Variants in KCND2 observed in about 807,000 individuals in gnomAD.
KCND2 encodes the protein potassium voltage-gated channel subfamily D member 2.
In KCND2, 16 loss-of-function variants were observed where a neutral mutation model predicts 54.4. The observed-to-expected ratio is 0.29, with a 90% confidence interval of 0.20 to 0.45. The LOEUF (loss-of-function observed/expected upper bound fraction) is 0.45, where lower values mean the gene tolerates loss of function less well. Ranked by LOEUF, KCND2 falls within the 20% of genes least tolerant of loss-of-function variation. The pLI is 1.00. For missense variants in KCND2, 486 were observed against 824.2 expected (o/e 0.59, Z 5.02); for synonymous variants, 317 against 310.7 (o/e 1.02, Z -0.21).
chr7:120,340,700 T>C (rs1800227447), intron 1 of KCND2, among the ~76,000 whole-genome samples: 1 of 152,168 alleles, frequency 6.6e-6, no homozygotes, highest in Admixed American at 6.5e-5. Context: ...TTGGTGATCT[T>C]GACAAGGATG....
chr7:120,359,636 TA>T (rs1563021417), intron 1 of KCND2, among the ~76,000 whole-genome samples: 1 of 152,130 alleles, frequency 6.6e-6, no homozygotes, highest in African/African-American at 2.4e-5. Context: ...CTTTTGATAA[TA>T]AAAAATACTT....
intron 1 of KCND2, among the ~76,000 whole-genome samples, chr7:120,446,075 C>T (rs1802014211): frequency 6.6e-6 from 1 of 152,130 alleles, no homozygotes; most frequent in Non-Finnish European, 1.5e-5. Context: ...TCATATATCA[C>T]TCCATCTAGC....
chr7:120,674,164 C>T (rs532823402), intron 1 of KCND2, among the ~76,000 whole-genome samples: 15 of 152,124 alleles, frequency 9.9e-5, no homozygotes, highest in African/African-American at 3.6e-4. Context: ...TCAGCCTCCC[C>T]AAGTGCAGGG....
At chr7:120,515,231 C>G (rs367881743) in intron 1 of KCND2, among the ~76,000 whole-genome samples, 31 of 152,168 alleles carry the variant, frequency 2.0e-4, no homozygotes, top group Admixed American at 6.6e-4. Context: ...CTCACCTTCA[C>G]TGTCACCTCA....
At chr7:120,701,240 T>TAAAAAAA (rs34803439) in intron 1 of KCND2, among the ~76,000 whole-genome samples, 16 of 55,142 alleles carry the variant, frequency 2.9e-4, no homozygotes, top group Admixed American at 5.0e-4. Flanking sequence ...AATGCCTAGC[T>TAAAAAAA]AAAAAAAAAA....
At chr7:120,345,033 T>A (rs1449325241) in intron 1 of KCND2, among the ~76,000 whole-genome samples, 2 of 152,108 alleles carry the variant, frequency 1.3e-5, no homozygotes, top group Non-Finnish European at 2.9e-5. Flanking sequence ...GAAGCCCTCA[T>A]AGGGGAAGAG....
intron 1 of KCND2, among the ~76,000 whole-genome samples, chr7:120,334,446 C>A (rs1256477880): frequency 6.6e-6 from 1 of 152,030 alleles, no homozygotes; most frequent in East Asian, 1.9e-4. Flanking sequence ...GGGATAGATC[C>A]TCTATGTTTC....
intron 1 of KCND2, among the ~76,000 whole-genome samples, chr7:120,305,183 T>A (rs968321385): frequency 3.3e-5 from 5 of 152,146 alleles, no homozygotes; most frequent in African/African-American, 9.7e-5. Context: ...CTTTGCAAAG[T>A]AGCAAGAAAA....
At chr7:120,600,584 G>A (rs936534479) in intron 1 of KCND2, among the ~76,000 whole-genome samples, 2 of 151,978 alleles carry the variant, frequency 1.3e-5, no homozygotes, top group Middle Eastern at 3.2e-3. Flanking sequence ...CCAACAGACT[G>A]TGAAAGTAAG....
chr7:120,531,785 A>G (rs576794433), intron 1 of KCND2, among the ~76,000 whole-genome samples: 16 of 152,256 alleles, frequency 1.1e-4, no homozygotes, highest in African/African-American at 3.1e-4. Context: ...CTTGTCTTCT[A>G]TGCCACCATG....
chr7:120,349,311 CACACACACACACACAA>C lies in KCND2; in HGVS notation c.1115+73580_1115+73595del, dbSNP rs1419329054. On this transcript the variant is annotated intron_variant, in intron 1 of 5. Transcript: ENST00000331113. ...CTAAGCTGCTATACACACACACAAA[CACACACACACACACAA>C]ACACACACACACACACACACACAGA... Among the ~76,000 whole-genome samples the C allele has an allele frequency of 9.4e-3, 766 of 81,334 alleles. 4 individuals are homozygous for C. Among genetic ancestry groups the C allele is most frequent in the African/African-American group, 0.026 (688 of 26,296 alleles). The allele number at this position is 81,334 out of a possible 152,430, so 53.4% of individuals were successfully genotyped here.
rs1282949811 is a variant in KCND2 at position 120,321,553 on chromosome 7, TA to T, written c.1115+45807del. 4.6e-5 allele frequency among the ~76,000 whole-genome samples: 7 copies of T among 152,268 alleles called. No individual in the cohort carries two copies. In the South Asian group the frequency reaches 6.2e-4, roughly 14 times the overall value. ...TTATTGTCCACTTATATTTGAATAT[TA>T]TTTTTTTTCTTGTTACTGAAACTAT... On this transcript the variant is annotated intron_variant, in intron 1 of 5. Transcript: ENST00000331113.
At chr7:120,474,407 G>A (rs1200705295) in intron 1 of KCND2, among the ~76,000 whole-genome samples, 2 of 151,914 alleles carry the variant, frequency 1.3e-5, no homozygotes, top group Admixed American at 6.6e-5. Flanking sequence ...GTGCGATCTC[G>A]GCTCACTACA....
intron 1 of KCND2, among the ~76,000 whole-genome samples, chr7:120,487,581 C>T (rs1359678009): frequency 6.6e-6 from 1 of 152,122 alleles, no homozygotes. Flanking sequence ...GGTGAGATCT[C>T]TGAGGTTTTG....
At chr7:120,387,950 G>A (rs1342357383) in intron 1 of KCND2, among the ~76,000 whole-genome samples, 2 of 151,940 alleles carry the variant, frequency 1.3e-5, no homozygotes, top group South Asian at 4.1e-4. Flanking sequence ...AAGATTCTTA[G>A]GGCAAAACTC....
intron 1 of KCND2, among the ~76,000 whole-genome samples, chr7:120,545,570 G>C (rs1014214674): frequency 1.4e-4 from 22 of 151,800 alleles, no homozygotes; most frequent in Non-Finnish European, 3.1e-4. Context: ...AACAATCTCT[G>C]TGATAAATTA....
At chr7:120,437,547 TA>T (rs1225041383) in intron 1 of KCND2, among the ~76,000 whole-genome samples, 1 of 136,916 alleles carries the variant, frequency 7.3e-6, no homozygotes, top group African/African-American at 3.1e-5. Flanking sequence ...GGGAAGGCCA[TA>T]AGCTAAAAAA....
At chr7:120,530,703 ATTT>A (rs1437186917) in intron 1 of KCND2, among the ~76,000 whole-genome samples, 1 of 152,026 alleles carries the variant, frequency 6.6e-6, no homozygotes, top group African/African-American at 2.4e-5. Flanking sequence ...TATTTTTTGT[ATTT>A]TACTGTCTAC....
At chr7:120,617,807 T>G (rs1793047189) in intron 1 of KCND2, among the ~76,000 whole-genome samples, 1 of 151,762 alleles carries the variant, frequency 6.6e-6, no homozygotes, top group African/African-American at 2.4e-5. Context: ...TGGAATACTA[T>G]GCAGCTATTT....
Sources: allele counts gnomAD v4.1 joint callset (sites outside exome capture counted in the v4.1 genomes callset), GRCh38; gene constraint gnomAD v4.1.1; transcripts MANE v1.5; gene names NCBI Gene and HGNC (gene_info 2026-07-23, HGNC 2026-07-21).